Variants in PRXL2A observed in about 807,000 individuals in gnomAD.
The protein encoded by PRXL2A is peroxiredoxin like 2A, also known as peroxiredoxin-like 2A.
A neutral mutation model predicts 25.6 loss-of-function variants in PRXL2A; 26 were observed. The ratio of observed to expected loss-of-function variants is 1.02; its 90% confidence interval spans 0.74 to 1.41. PRXL2A has a LOEUF of 1.41. Among genes scored for constraint, PRXL2A ranks in the 40% most tolerant of loss-of-function variants. The pLI is 0.00. For missense variants in PRXL2A, 246 were observed against 273.9 expected, an observed-to-expected ratio of 0.90 and a Z score of 0.72; for synonymous variants, 98 against 102.9, an observed-to-expected ratio of 0.95 and a Z score of 0.29.
chr10:80,427,228 T>C, intron 4 of PRXL2A, 104 bp from the exon 5 acceptor site: 1 of 944,326 alleles, frequency 1.1e-6, no homozygotes, highest in East Asian at 2.4e-5. Flanking sequence ...CAGCAGCCTT[T>C]TGAGTCTTTG....
intron 5 of PRXL2A, among the ~76,000 whole-genome samples, chr10:80,429,974 C>T (rs1386606018): frequency 6.6e-6 from 1 of 152,208 alleles, no homozygotes; most frequent in Non-Finnish European, 1.5e-5. Flanking sequence ...CCTGGAGCCC[C>T]TGGCCTTCAT....
chr10:80,427,646 G>A (rs988756336), intron 5 of PRXL2A, 150 bp downstream of exon 5: 13 of 714,140 alleles, frequency 1.8e-5, no homozygotes, highest in Non-Finnish European at 2.4e-5. Context: ...GAAGGGAAGG[G>A]AAGGCAGTTG....
At chr10:80,424,426 A>G (rs2131900640) in intron 3 of PRXL2A, among the ~76,000 whole-genome samples, 1 of 150,864 alleles carries the variant, frequency 6.6e-6, no homozygotes, top group African/African-American at 2.4e-5. Context: ...AAAAAAAAAA[A>G]AAAAAAAATT....
rs150263607 is a variant in PRXL2A at position 80,420,562 on chromosome 10, C to T, written c.95C>T (p.Ala32Val). ...LGAAALALLL[A>V]NTDVFLSKPQ... The stretch of plus-strand genomic sequence containing the variant: ...GCTGCTGCCTTGGCATTGCTGCTTG[C>T]CAACACAGACGTGTTTCTGTCCAAG... Residue 32 changes from alanine to valine, a missense_variant, in exon 2 of 6, where the codon GCC (alanine) becomes GTC (valine). Coordinates refer to ENST00000606162, the MANE Select transcript of PRXL2A (RefSeq NM_032333.5). 11 of 1,613,934 alleles carry T rather than the reference C, an allele frequency of 6.8e-6. No homozygotes were observed. Among genetic ancestry groups the T allele is most frequent in the Admixed American group, 1.7e-5 (1 of 60,000 alleles).
intron 4 of PRXL2A, among the ~76,000 whole-genome samples, chr10:80,427,128 G>A (rs1845066276): frequency 7.3e-6 from 1 of 137,820 alleles, no homozygotes; most frequent in East Asian, 2.0e-4. Flanking sequence ...GACTGACAGA[G>A]CAAGACTCCA....
intron 1 of PRXL2A, among the ~76,000 whole-genome samples, chr10:80,417,789 C>CT (rs1844717488): frequency 7.1e-6 from 1 of 140,502 alleles, no homozygotes; most frequent in African/African-American, 2.7e-5. Context: ...AGGTCTTGCT[C>CT]TGTCACCTAG....
At chr10:80,417,798 A>G (rs1826637425) in intron 1 of PRXL2A, among the ~76,000 whole-genome samples, 1 of 140,670 alleles carries the variant, frequency 7.1e-6, no homozygotes, top group South Asian at 2.2e-4. Flanking sequence ...TCTGTCACCT[A>G]GGCTGGAGTT....
In PRXL2A at chr10:80,423,658, T is replaced by TA. The variant is rs553883008; in HGVS notation, c.270+1151dup. ...CTGCTATCTCAGTGGGTCCTCACCATAGCCCTTGGAAATACAGCTTGTTTT... is the reference window on the plus strand; with the variant it reads ...CTGCTATCTCAGTGGGTCCTCACCATAAGCCCTTGGAAATACAGCTTGTTTT... On this transcript the variant is annotated intron_variant, in intron 3 of 5. Transcript: ENST00000606162. Among the ~76,000 whole-genome samples the TA allele has an allele frequency of 1.1e-4, 16 of 152,364 alleles. No homozygotes were observed. In the East Asian group the frequency reaches 2.7e-3, roughly 26 times the overall value.
At chr10:80,428,804 G>T (rs1172419202) in intron 5 of PRXL2A, among the ~76,000 whole-genome samples, 1 of 152,190 alleles carries the variant, frequency 6.6e-6, no homozygotes, top group African/African-American at 2.4e-5. Flanking sequence ...GAAAGATGGG[G>T]TTTATCTGCA....
At chr10:80,413,315 C>G (rs1844536850) in intron 1 of PRXL2A, among the ~76,000 whole-genome samples, 1 of 152,002 alleles carries the variant, frequency 6.6e-6, no homozygotes, top group Non-Finnish European at 1.5e-5. Flanking sequence ...GGAAGTCACC[C>G]AGGAAGGGAG....
In PRXL2A at chr10:80,435,039, C is replaced by T. The variant is rs1004447058; in HGVS notation, c.*2940C>T. The T allele has an allele frequency of 9.2e-5, 14 of 152,242 alleles. No individual in the cohort carries two copies. Among genetic ancestry groups the T allele is most frequent in the African/African-American group, 2.9e-4 (12 of 41,450 alleles). 9.4% of individuals were successfully genotyped at this position (152,242 alleles called of 1,614,324 possible). A position where few individuals can be genotyped will look rare whatever the true frequency, so the allele number is the denominator to read the frequency against. On this transcript the variant is annotated 3_prime_UTR_variant, in exon 6 of 6. Coordinates refer to ENST00000606162, the MANE Select transcript of PRXL2A (RefSeq NM_032333.5). ...GAGCAGCCTGGCCAACATGGTGAAA[C>T]CCTGTCTCTACTAAAAATACAAAAG...
chr10:80,422,893 C>T (rs538084139), intron 3 of PRXL2A, among the ~76,000 whole-genome samples: 1 of 152,282 alleles, frequency 6.6e-6, no homozygotes, highest in Non-Finnish European at 1.5e-5. Context: ...CAGTCCCTCC[C>T]TGTGATGAAG....
At chr10:80,409,097 C>T in intron 1 of PRXL2A, 1 of 985,036 alleles carries the variant, frequency 1.0e-6, no homozygotes, top group African/African-American at 1.7e-5. Context: ...TCGTCCTCGT[C>T]TCTGTGCCCG....
intron 3 of PRXL2A, among the ~76,000 whole-genome samples, chr10:80,424,732 GC>G (rs1228073853): frequency 3.3e-5 from 5 of 152,074 alleles, no homozygotes; most frequent in Admixed American, 6.5e-5. Context: ...GTGGTGGTGC[GC>G]CCCTGTAATC....
intron 2 of PRXL2A, 60 bp downstream of exon 2, chr10:80,420,705 G>C: frequency 8.0e-7 from 1 of 1,252,078 alleles, no homozygotes; most frequent in South Asian, 2.2e-5. Context: ...CAGGCTTACT[G>C]CTTTCTTTCT....
At position 80,433,168 on chromosome 10, in the gene PRXL2A, T is replaced by G. The variant is rs898141585; in HGVS notation, c.*1069T>G. 6.6e-6 allele frequency: 1 copy of G among 152,268 alleles called. No individual in the cohort carries two copies. 9.4% of individuals were successfully genotyped at this position (152,268 alleles called of 1,614,324 possible). ...AAATGACCAGGAAAAATTCATCCTG[T>G]CATTCACGTTAGTAATTTTGCTGTC... On this transcript the variant is annotated 3_prime_UTR_variant, in exon 6 of 6. Transcript: ENST00000606162.
intron 1 of PRXL2A, among the ~76,000 whole-genome samples, chr10:80,417,689 ATGT>A (rs1407773355): frequency 6.7e-6 from 1 of 150,190 alleles, no homozygotes; most frequent in Non-Finnish European, 1.5e-5. Flanking sequence ...TCTTTCTTAG[ATGT>A]TGTTTTTTGT....
intron 3 of PRXL2A, 142 bp downstream of exon 3, chr10:80,422,650 T>TC: frequency 2.3e-6 from 1 of 426,786 alleles, no homozygotes; most frequent in Non-Finnish European, 3.7e-6. Flanking sequence ...TAGGTATTTC[T>TC]TTGATTTGTG....
chr10:80,416,800 A>G (rs1844674858), intron 1 of PRXL2A, among the ~76,000 whole-genome samples: 1 of 152,208 alleles, frequency 6.6e-6, no homozygotes, highest in South Asian at 2.1e-4. Context: ...GTCTGACTAA[A>G]AGGCAGTATA....
Sources: allele counts gnomAD v4.1 joint callset (sites outside exome capture counted in the v4.1 genomes callset), GRCh38; gene constraint gnomAD v4.1.1; transcripts MANE v1.5; gene names NCBI Gene and HGNC (gene_info 2026-07-23, HGNC 2026-07-21).